The following CNTN4 variants were observed in gnomAD, a reference collection of about 807,000 sequenced individuals.
The protein encoded by CNTN4 is contactin-4.
In CNTN4, 77 loss-of-function variants were observed where a neutral mutation model predicts 122.5. The ratio of observed to expected loss-of-function variants is 0.63; its 90% CI spans 0.52 to 0.76. CNTN4 has a LOEUF of 0.76. Among genes scored for constraint, CNTN4 ranks in the 30% least tolerant of loss-of-function variants. The probability of loss-of-function intolerance (pLI) is 0.00; values close to 1 mark genes in which losing one functional copy is unlikely to be tolerated. For missense variants in CNTN4, 1,256 were observed against 1,259.1 expected (o/e 1.00, Z 0.04); for synonymous variants, 512 against 447.0 (o/e 1.15, Z -1.83).
chr3:2,714,156 G>C (rs1011824625), intron 4 of CNTN4, among the ~76,000 whole-genome samples: 10 of 151,724 alleles, frequency 6.6e-5, no homozygotes, highest in African/African-American at 2.4e-4. Flanking sequence ...GGCAGTGTTG[G>C]GACTTTTATC....
intron 3 of CNTN4, among the ~76,000 whole-genome samples, chr3:2,408,273 C>T (rs143677572): frequency 2.0e-5 from 3 of 152,206 alleles, no homozygotes; most frequent in Non-Finnish European, 4.4e-5. Context: ...CTCTTGATTC[C>T]TTTTTAATGA....
chr3:2,104,255 T>C (rs28485663), intron 2 of CNTN4, among the ~76,000 whole-genome samples: 22 of 95,230 alleles, frequency 2.3e-4, no homozygotes, highest in South Asian at 6.5e-4. Flanking sequence ...TGTGTGTGTG[T>C]GCGTTTCAAG....
intron 2 of CNTN4, among the ~76,000 whole-genome samples, chr3:2,287,760 GA>G (rs1559416203): frequency 6.8e-6 from 1 of 146,196 alleles, no homozygotes; most frequent in African/African-American, 2.7e-5. Flanking sequence ...AGAAGAAGAA[GA>G]AGAAGAAGAA....
chr3:2,783,556 C>T (rs1393101523), intron 6 of CNTN4, among the ~76,000 whole-genome samples: 3 of 152,170 alleles, frequency 2.0e-5, no homozygotes, highest in Admixed American at 2.0e-4. Flanking sequence ...TGTTTTTTCT[C>T]AGCAGGATTC....
At chr3:2,354,921 TAGC>T (rs1239463279) in intron 3 of CNTN4, among the ~76,000 whole-genome samples, 1 of 152,144 alleles carries the variant, frequency 6.6e-6, no homozygotes, top group Non-Finnish European at 1.5e-5. Flanking sequence ...ATAGGAGCAT[TAGC>T]AGCAGGAAGT....
intron 15 of CNTN4, among the ~76,000 whole-genome samples, chr3:3,029,330 A>G (rs1425965875): frequency 6.6e-6 from 1 of 152,208 alleles, no homozygotes; most frequent in Non-Finnish European, 1.5e-5. Context: ...ATTTTCACAT[A>G]ACACAGATAA....
In CNTN4 at chr3:2,902,897, G is replaced by A; in HGVS notation, c.1099G>A (p.Gly367Arg). The A allele has an allele frequency of 6.2e-7, 1 of 1,613,502 alleles. No homozygotes were observed. Among genetic ancestry groups the A allele is most frequent in the South Asian group, 1.1e-5 (1 of 91,050 alleles). The change falls in exon 12 of 25, where the codon GGA becomes AGA. Residue 367 changes from glycine (G) to arginine (R), a missense_variant. By Grantham distance (125) the Gly-to-Arg change is moderately radical (BLOSUM62 -2). Coordinates refer to ENST00000418658, the MANE Select transcript of CNTN4 (RefSeq NM_175607.3). ...LTRDRIQIEQ[G>R]TLNITIVNLS... ...ACAGGATAGAATTCAAATTGAGCAA[G>A]GAACACTCAACATAACAATAGTGAA... is the stretch of plus-strand genomic sequence containing the variant.
rs147425582 is a variant in CNTN4, at chr3:2,531,585, T to C, written c.-88-39831T>C. On this transcript the variant is annotated intron_variant, in intron 3 of 24. Transcript: ENST00000418658. ...AGTTGCAAATGGGAGAGTAGTATAATGATTGCCATTGGATGTCCATTTACT... is the reference window on the plus strand; with the variant it reads ...AGTTGCAAATGGGAGAGTAGTATAACGATTGCCATTGGATGTCCATTTACT... Among the ~76,000 whole-genome samples, 561 of 152,294 alleles carry C rather than the reference T, an allele frequency of 3.7e-3. 6 individuals are homozygous for C. Among genetic ancestry groups the C allele is most frequent in the African/African-American group, 0.013 (533 of 41,566 alleles).
At chr3:2,122,428 T>G (rs1255656866) in intron 2 of CNTN4, among the ~76,000 whole-genome samples, 5 of 152,294 alleles carry the variant, frequency 3.3e-5, no homozygotes, top group Non-Finnish European at 7.4e-5. Context: ...AAGATGAATC[T>G]TAGATGTCAG....
chr3:2,673,170 CT>C (rs2084636365), intron 4 of CNTN4, among the ~76,000 whole-genome samples: 2 of 152,092 alleles, frequency 1.3e-5, no homozygotes, highest in African/African-American at 4.8e-5. Flanking sequence ...GTTTAAATGC[CT>C]GGCCTTAATA....
intron 4 of CNTN4, among the ~76,000 whole-genome samples, chr3:2,728,325 C>A (rs1262662475): frequency 1.3e-5 from 2 of 152,150 alleles, no homozygotes; most frequent in Admixed American, 6.5e-5. Flanking sequence ...TTTCCCTAAT[C>A]ATTAGGAAGC....
chr3:2,369,161 G>A (rs1247488819), intron 3 of CNTN4, among the ~76,000 whole-genome samples: 27 of 152,146 alleles, frequency 1.8e-4, no homozygotes, highest in African/African-American at 6.5e-4. Flanking sequence ...CTGACCTCGT[G>A]ATCTGCTCAC....
intron 6 of CNTN4, among the ~76,000 whole-genome samples, chr3:2,773,709 T>C (rs2091198476): frequency 6.6e-6 from 1 of 151,144 alleles, no homozygotes; most frequent in Non-Finnish European, 1.5e-5. Flanking sequence ...GCTTAGGGGG[T>C]TACCAAACTC....
At chr3:2,750,723 A>T (rs2090048293) in intron 6 of CNTN4, among the ~76,000 whole-genome samples, 1 of 152,056 alleles carries the variant, frequency 6.6e-6, no homozygotes, top group Non-Finnish European at 1.5e-5. Context: ...CTTCTATTTC[A>T]CCTAGGGCTA....
chr3:2,977,866 T>A (rs1325811861), intron 13 of CNTN4, among the ~76,000 whole-genome samples: 1 of 152,134 alleles, frequency 6.6e-6, no homozygotes, highest in African/African-American at 2.4e-5. Context: ...ATCCAATGAC[T>A]GATGTCCTTA....
intron 13 of CNTN4, among the ~76,000 whole-genome samples, chr3:2,980,558 C>T (rs1174066449): frequency 6.6e-6 from 1 of 152,156 alleles, no homozygotes; most frequent in African/African-American, 2.4e-5. Context: ...AAATCTCATC[C>T]AGAAACAAAC....
rs80344285 is a variant in CNTN4 at position 3,038,704 on chromosome 3, G to A, written c.2093-229G>A. On this transcript the variant is annotated intron_variant, in intron 18 of 24. Coordinates refer to ENST00000418658, the MANE Select transcript of CNTN4 (RefSeq NM_175607.3). Reference sequence around the variant, plus strand: ...ATTGGTCAGACGTGTCAGATAACACGTGTGCCTTGTTGAATGGGAAACAGG... The same window carrying A: ...ATTGGTCAGACGTGTCAGATAACACATGTGCCTTGTTGAATGGGAAACAGG... 5.2e-3 allele frequency among the ~76,000 whole-genome samples: 788 copies of A among 152,322 alleles called. 15 individuals are homozygous for A. In the East Asian group the frequency reaches 0.061, roughly 12 times the overall value.
intron 24 of CNTN4, among the ~76,000 whole-genome samples, chr3:3,055,796 A>G (rs906005689): frequency 9.9e-5 from 15 of 152,194 alleles, no homozygotes; most frequent in African/African-American, 3.4e-4. Context: ...TTCAAAAGGG[A>G]GCAGCAATTT....
chr3:2,817,920 A>T (rs988892536), intron 6 of CNTN4, among the ~76,000 whole-genome samples: 1 of 152,240 alleles, frequency 6.6e-6, no homozygotes, highest in Non-Finnish European at 1.5e-5. Context: ...GACAAGAAAA[A>T]TACCATGTTC....
Sources: gnomAD v4.1 joint callset for allele counts (sites outside exome capture counted in the v4.1 genomes callset) on GRCh38, gnomAD v4.1.1 for gene constraint, MANE v1.5 for transcripts, NCBI Gene and HGNC (gene_info 2026-07-23, HGNC 2026-07-21) for gene names.